Variants in GALNT17 observed in about 807,000 individuals in gnomAD.
The protein encoded by GALNT17 is UDP-GalNAc:polypeptide N-acetylgalactosaminyltransferase-like 3.
GALNT17 carries 29 observed loss-of-function variants against 63.7 expected under a neutral mutation model. That is an observed-to-expected ratio of 0.46 (90% CI 0.34 to 0.62). The LOEUF is 0.62. Among genes scored for constraint, GALNT17 ranks in the 20% least tolerant of loss-of-function variants. The pLI, the probability that GALNT17 is intolerant of heterozygous loss-of-function variation, is 0.01. For missense variants in GALNT17, 603 were observed against 799.6 expected (o/e 0.75, Z 2.97); for synonymous variants, 305 against 318.3 (o/e 0.96, Z 0.45).
At chr7:71,559,809 G>A (rs529343941) in intron 5 of GALNT17, among the ~76,000 whole-genome samples, 3 of 151,850 alleles carry the variant, frequency 2.0e-5, no homozygotes, top group African/African-American at 7.2e-5. Flanking sequence ...GCAGTGAGCC[G>A]AGATTGCACT....
At chr7:71,410,200 T>C (rs1793405292) in intron 3 of GALNT17, among the ~76,000 whole-genome samples, 1 of 151,928 alleles carries the variant, frequency 6.6e-6, no homozygotes, top group African/African-American at 2.4e-5. Flanking sequence ...TAATGCTGAA[T>C]GTGCTGCACG....
At chr7:71,333,921 G>A (rs1403849117) in intron 1 of GALNT17, among the ~76,000 whole-genome samples, 1 of 152,206 alleles carries the variant, frequency 6.6e-6, no homozygotes, top group Non-Finnish European at 1.5e-5. Flanking sequence ...AACATGGGAA[G>A]AATCTTTGTG....
intron 1 of GALNT17, among the ~76,000 whole-genome samples, chr7:71,252,874 A>T (rs993020470): frequency 5.3e-5 from 8 of 152,154 alleles, no homozygotes; most frequent in African/African-American, 1.9e-4. Flanking sequence ...AATATCTTTT[A>T]CCCTAAAGCA....
At chr7:71,172,906 G>A (rs2116289711) in intron 1 of GALNT17, among the ~76,000 whole-genome samples, 1 of 152,314 alleles carries the variant, frequency 6.6e-6, no homozygotes, top group South Asian at 2.1e-4. Flanking sequence ...AAGAGAGACT[G>A]TGGAAGAACT....
intron 3 of GALNT17, among the ~76,000 whole-genome samples, chr7:71,415,173 A>G (rs577606240): frequency 1.1e-4 from 16 of 152,182 alleles, no homozygotes; most frequent in African/African-American, 3.9e-4. Flanking sequence ...TCAGCCAAGT[A>G]TCAGTCTTTA....
chr7:71,233,121 G>A (rs76972217), intron 1 of GALNT17, among the ~76,000 whole-genome samples: 6,246 of 152,236 alleles, frequency 0.041, 439 homozygotes, highest in African/African-American at 0.14. Context: ...AAATATTCCC[G>A]TGTTCGGCTG....
intron 1 of GALNT17, among the ~76,000 whole-genome samples, chr7:71,283,466 G>C (rs991708467): frequency 2.0e-5 from 3 of 151,748 alleles, no homozygotes; most frequent in Non-Finnish European, 4.4e-5. Flanking sequence ...AAAAATAATA[G>C]TTAAAAAAAT....
At chr7:71,153,293 A>G (rs1788166940) in intron 1 of GALNT17, among the ~76,000 whole-genome samples, 2 of 152,380 alleles carry the variant, frequency 1.3e-5, no homozygotes, top group South Asian at 4.1e-4. Context: ...TATTTGTAGC[A>G]TACCTGGAAG....
chr7:71,168,851 G>A (rs1788494767), intron 1 of GALNT17, among the ~76,000 whole-genome samples: 3 of 152,068 alleles, frequency 2.0e-5, no homozygotes, highest in Admixed American at 6.6e-5. Flanking sequence ...TGAATTTTGG[G>A]ACCAGTTAAT....
At chr7:71,149,668 AATTGAT>A (rs1328265461) in intron 1 of GALNT17, among the ~76,000 whole-genome samples, 2 of 152,202 alleles carry the variant, frequency 1.3e-5, no homozygotes, top group African/African-American at 4.8e-5. Flanking sequence ...AGAAAAGTGA[AATTGAT>A]ATTAAGTTAA....
At chr7:71,189,255 G>A (rs529325629) in intron 1 of GALNT17, among the ~76,000 whole-genome samples, 4 of 152,230 alleles carry the variant, frequency 2.6e-5, no homozygotes, top group South Asian at 2.1e-4. Context: ...CATGTAAGAT[G>A]TGCCTTTCAC....
intron 6 of GALNT17, among the ~76,000 whole-genome samples, chr7:71,572,562 GATATAC>G (rs1789466062): frequency 7.0e-6 from 1 of 143,482 alleles, no homozygotes; most frequent in Admixed American, 7.1e-5. Context: ...GTGATGTTTG[GATATAC>G]ATATACATTG....
At chr7:71,663,778 A>C (rs1021196075) in intron 6 of GALNT17, among the ~76,000 whole-genome samples, 3 of 152,232 alleles carry the variant, frequency 2.0e-5, no homozygotes, top group African/African-American at 7.2e-5. Flanking sequence ...GGGGGTATGT[A>C]GACACTCAAG....
chr7:71,693,506 A>G (rs142208651), intron 9 of GALNT17, among the ~76,000 whole-genome samples: 1,610 of 152,080 alleles, frequency 0.011, 28 homozygotes, highest in African/African-American at 0.037. Flanking sequence ...TTGCAGGGAC[A>G]TGGATGGAGC....
intron 5 of GALNT17, among the ~76,000 whole-genome samples, chr7:71,502,253 A>C (rs2116703500): frequency 6.6e-6 from 1 of 152,294 alleles, no homozygotes; most frequent in Middle Eastern, 3.4e-3. Flanking sequence ...TCTTTTCCAA[A>C]GTTAATCACA....
intron 3 of GALNT17, among the ~76,000 whole-genome samples, chr7:71,412,351 C>A (rs1793444462): frequency 6.6e-6 from 1 of 151,636 alleles, no homozygotes; most frequent in African/African-American, 2.4e-5. Context: ...GAACTGTCAC[C>A]TTCTCTCCTA....
intron 8 of GALNT17, among the ~76,000 whole-genome samples, chr7:71,675,939 G>C (rs1791143743): frequency 6.6e-6 from 1 of 152,216 alleles, no homozygotes; most frequent in African/African-American, 2.4e-5. Flanking sequence ...AGTGAGTCGA[G>C]ATCGCGCCAT....
intron 1 of GALNT17, among the ~76,000 whole-genome samples, chr7:71,204,457 G>T (rs1562912570): frequency 6.6e-6 from 1 of 152,168 alleles, no homozygotes. Context: ...ATTTGATAGG[G>T]ATTGCATTGA....
intron 3 of GALNT17, among the ~76,000 whole-genome samples, chr7:71,399,807 C>G (rs1793209137): frequency 6.6e-6 from 1 of 151,834 alleles, no homozygotes; most frequent in South Asian, 2.1e-4. Context: ...TCTTTGCCAT[C>G]TTTGTTGTTC....
Sources: allele counts gnomAD v4.1 joint callset (sites outside exome capture counted in the v4.1 genomes callset), GRCh38; gene constraint gnomAD v4.1.1; transcripts MANE v1.5; gene names NCBI Gene and HGNC (gene_info 2026-07-23, HGNC 2026-07-21).